Variants in DUXA observed in about 807,000 individuals in gnomAD.
DUXA encodes the protein double homeobox A, also known as double homeobox protein A.
Under a neutral mutation model 27.5 loss-of-function variants are expected in DUXA, and 25 were observed. That is an observed-to-expected ratio of 0.91 (90% CI 0.66 to 1.27). DUXA has a LOEUF of 1.27. DUXA is among the 50% of genes most tolerant of loss of function. DUXA has a pLI of 0.00. For missense variants in DUXA, 247 were observed against 242.9 expected, an observed-to-expected ratio of 1.02 and a Z score of -0.11; for synonymous variants, 90 against 80.5, an observed-to-expected ratio of 1.12 and a Z score of -0.63.
At chr19:57,159,396 C>A in intron 2 of DUXA, 118 bp from the exon 3 acceptor site, 1 of 878,788 alleles carries the variant, frequency 1.1e-6, no homozygotes, top group South Asian at 1.7e-5. Context: ...TTACTTACTT[C>A]TGTCACATTC....
chr19:57,158,245 G>T, intron 4 of DUXA, 83 bp downstream of exon 4: 1 of 1,500,564 alleles, frequency 6.7e-7, no homozygotes, highest in South Asian at 1.2e-5. Flanking sequence ...AGCATGATGA[G>T]GAACTGCCTG....
intron 1 of DUXA, among the ~76,000 whole-genome samples, chr19:57,163,100 A>C (rs1020657416): frequency 6.6e-6 from 1 of 151,806 alleles, no homozygotes; most frequent in Non-Finnish European, 1.5e-5. Context: ...TCTAACTTCC[A>C]TCTGACCCCC....
rs2087060549 is a variant in DUXA at position 57,167,453 on chromosome 19, G to C, written c.-10C>G. 2 of 1,613,444 alleles carry C rather than the reference G, an allele frequency of 1.2e-6. No individual in the cohort carries two copies. Among genetic ancestry groups the C allele is most frequent in the Admixed American group, 1.7e-5 (1 of 59,860 alleles). ...AGGTGTCTTCGGCCATGCTGGAAGA[G>C]AGTCCTGAAGGCTGAGCCACTGTCT... On this transcript the variant is annotated 5_prime_UTR_variant, in exon 1 of 6. Transcript: ENST00000554048.
At chr19:57,161,193 C>A (rs145432568) in intron 1 of DUXA, among the ~76,000 whole-genome samples, 31 of 151,494 alleles carry the variant, frequency 2.0e-4, no homozygotes, top group African/African-American at 7.5e-4. Flanking sequence ...GTCGTGGTGG[C>A]GTGTGCCTGT....
intron 2 of DUXA, among the ~76,000 whole-genome samples, chr19:57,160,195 A>T (rs764404636): frequency 3.9e-5 from 6 of 152,140 alleles, no homozygotes; most frequent in Non-Finnish European, 7.3e-5. Context: ...CGGGATTTCA[A>T]GGCTTCGGTG....
rs1421809117 is a variant in DUXA at position 57,157,812 on chromosome 19, G to A, written c.438+516C>T. Among the ~76,000 whole-genome samples, 3 of 151,902 alleles carry A rather than the reference G, an allele frequency of 2.0e-5. No individual in the cohort carries two copies. The East Asian group carries it at 5.9e-4, about 30-fold the overall frequency. On this transcript the variant is annotated intron_variant, in intron 4 of 5. Coordinates refer to ENST00000554048, the MANE Select transcript of DUXA (RefSeq NM_001012729.2). ...TCAAGATCAGACTGGGCAACATGGCGAAACCCTGTCTCTACTAAAAATACA... is the reference window on the plus strand; with the variant it reads ...TCAAGATCAGACTGGGCAACATGGCAAAACCCTGTCTCTACTAAAAATACA...
intron 5 of DUXA, among the ~76,000 whole-genome samples, chr19:57,155,045 G>A (rs1344208066): frequency 6.6e-6 from 1 of 152,226 alleles, no homozygotes; most frequent in Admixed American, 6.5e-5. Flanking sequence ...TGTATCCATG[G>A]GGTTGCTGGA....
intron 1 of DUXA, among the ~76,000 whole-genome samples, chr19:57,161,350 G>C (rs1384207451): frequency 1.1e-5 from 1 of 93,250 alleles, no homozygotes; most frequent in Non-Finnish European, 2.0e-5. Flanking sequence ...AAAACTGGGC[G>C]CGGTGGCTCA....
At chr19:57,156,471 A>G (rs1242639332) in intron 4 of DUXA, among the ~76,000 whole-genome samples, 1 of 152,134 alleles carries the variant, frequency 6.6e-6, no homozygotes, top group Non-Finnish European at 1.5e-5. Flanking sequence ...GTGCGATCAC[A>G]GTTCACTGCA....
intron 1 of DUXA, among the ~76,000 whole-genome samples, chr19:57,164,072 T>C (rs894697359): frequency 6.6e-6 from 1 of 152,096 alleles, no homozygotes. Flanking sequence ...AGGCCAGTAT[T>C]ACTCTGATAC....
chr19:57,155,326 CT>C lies in DUXA; in HGVS notation c.484del (p.Arg162GlyfsTer7). 1.2e-6 allele frequency: 2 copies of C among 1,614,174 alleles called. No homozygotes were observed. The highest frequency in any genetic ancestry group is 2.2e-5 in the South Asian group (2 of 91,084). ...TTGTTCTAAGGACGCCACAGGTTCC[CT>C]TTTTCTCTGGAGAAGTAATCTAGAT... is the stretch of plus-strand genomic sequence containing the variant. ...RRSRLLLQRK[R>X]EPVASLEQEE... On this transcript the variant is annotated frameshift_variant, in exon 5 of 6. Transcript: ENST00000554048. LOFTEE classifies it high-confidence loss of function.
At chr19:57,167,398 G>T in intron 1 of DUXA, 21 bp downstream of exon 1, 1 of 1,613,320 alleles carries the variant, frequency 6.2e-7, no homozygotes, top group South Asian at 1.1e-5. Context: ...CAAAAGCTCA[G>T]TCAAGCACAA....
chr19:57,163,600 T>A (rs528351996), intron 1 of DUXA, among the ~76,000 whole-genome samples: 9 of 152,246 alleles, frequency 5.9e-5, no homozygotes, highest in African/African-American at 1.7e-4. Context: ...CCTGCCACCA[T>A]GCCTGGCTAA....
At chr19:57,159,971 G>A (rs985569596) in intron 2 of DUXA, among the ~76,000 whole-genome samples, 53 of 152,172 alleles carry the variant, frequency 3.5e-4, no homozygotes, top group African/African-American at 1.1e-3. Context: ...TGATCATGGC[G>A]GCAGGCGCCT....
intron 1 of DUXA, among the ~76,000 whole-genome samples, chr19:57,166,201 C>T (rs10412578): frequency 0.31 from 46,500 of 152,030 alleles, 7,953 homozygotes; most frequent in Non-Finnish European, 0.39. Context: ...GGGAAGCAGA[C>T]GAGGTCACAG....
chr19:57,159,075 T>A (rs1255143747), intron 3 of DUXA, 92 bp downstream of exon 3: 1 of 1,066,160 alleles, frequency 9.4e-7, no homozygotes, highest in East Asian at 2.4e-5. Context: ...GAACAGGAGG[T>A]CATCAGGGAG....
chr19:57,165,751 G>T (rs938595445), intron 1 of DUXA, among the ~76,000 whole-genome samples: 15 of 141,028 alleles, frequency 1.1e-4, no homozygotes, highest in African/African-American at 3.9e-4. Context: ...CTTGCAGTGA[G>T]CCGAGATCGC....
chr19:57,155,180 G>T, intron 5 of DUXA, 87 bp downstream of exon 5: 1 of 1,237,832 alleles, frequency 8.1e-7, no homozygotes, highest in Non-Finnish European at 1.2e-6. Flanking sequence ...CCACCTCCCA[G>T]GAGGAGCTGT....
chr19:57,165,195 A>G (rs1400562177), intron 1 of DUXA, among the ~76,000 whole-genome samples: 1 of 151,752 alleles, frequency 6.6e-6, no homozygotes. Flanking sequence ...TAAGATTTAC[A>G]TAGACCTGCC....
Sources: gnomAD v4.1 joint callset for allele counts (sites outside exome capture counted in the v4.1 genomes callset) on GRCh38, gnomAD v4.1.1 for gene constraint, MANE v1.5 for transcripts, NCBI Gene and HGNC (gene_info 2026-07-23, HGNC 2026-07-21) for gene names.